Variants in SNAP91 observed in about 807,000 individuals in gnomAD.
SNAP91 encodes synaptosome associated protein 91.
Under a neutral mutation model 100.3 loss-of-function variants are expected in SNAP91, and 27 were observed. That is an observed-to-expected ratio of 0.27 (90% CI 0.20 to 0.37). SNAP91 has a LOEUF of 0.37. Among genes scored for constraint, SNAP91 ranks in the 10% least tolerant of loss-of-function variants. The probability of loss-of-function intolerance (pLI) is 1.00; values close to 1 mark genes in which losing one functional copy is unlikely to be tolerated. For missense variants in SNAP91, 986 were observed against 1,123.7 expected, an observed-to-expected ratio of 0.88 and a Z score of 1.75; for synonymous variants, 404 against 398.6, an observed-to-expected ratio of 1.01 and a Z score of -0.16.
intron 6 of SNAP91, among the ~76,000 whole-genome samples, chr6:83,657,806 G>A (rs1034961868): frequency 2.0e-5 from 3 of 149,620 alleles, no homozygotes; most frequent in Non-Finnish European, 4.4e-5. Flanking sequence ...TCACTCTGTC[G>A]TCTAGACTGG....
intron 2 of SNAP91, among the ~76,000 whole-genome samples, chr6:83,705,174 G>A (rs769911275): frequency 2.6e-5 from 4 of 152,128 alleles, no homozygotes; most frequent in Admixed American, 6.6e-5. Context: ...AGTAGAAGAT[G>A]TTTTATTTTA....
In SNAP91 at chr6:83,681,064, C is replaced by T. The variant is rs564530748; in HGVS notation, c.131-15483G>A. On this transcript the variant is annotated intron_variant, in intron 2 of 29. Transcript: ENST00000369694. Reference sequence around the variant, plus strand: ...GATTTACAGAAAAGGGACTCTCACACATAATCAAGCATAGGAGTCCCTAGC... The same window carrying T: ...GATTTACAGAAAAGGGACTCTCACATATAATCAAGCATAGGAGTCCCTAGC... Among the ~76,000 whole-genome samples, 8 of 152,260 alleles carry T rather than the reference C, an allele frequency of 5.3e-5. No homozygotes were observed. In the South Asian group the frequency reaches 1.5e-3, roughly 28 times the overall value.
chr6:83,645,012 A>C (rs1340295899), intron 7 of SNAP91, among the ~76,000 whole-genome samples: 1 of 152,142 alleles, frequency 6.6e-6, no homozygotes, highest in Non-Finnish European at 1.5e-5. Context: ...AAGTCCCCAA[A>C]CCACCAGGAA....
chr6:83,617,899 T>C (rs982275705), intron 9 of SNAP91, among the ~76,000 whole-genome samples: 6 of 152,010 alleles, frequency 3.9e-5, no homozygotes, highest in East Asian at 1.9e-4. Context: ...ATTCAAAGAA[T>C]AGCATTTCTT....
In SNAP91 at chr6:83,708,830, G is replaced by T. The variant is rs1348904524; in HGVS notation, c.-31+15C>A. 1 of 151,994 alleles carries T rather than the reference G, an allele frequency of 6.6e-6. No homozygotes were observed. Among genetic ancestry groups the T allele is most frequent in the Non-Finnish European group, 1.5e-5 (1 of 67,974 alleles). 9.4% of individuals were successfully genotyped at this position (151,994 alleles called of 1,614,324 possible). A position where few individuals can be genotyped will look rare whatever the true frequency, so the allele number is the denominator to read the frequency against. Reference sequence around the variant, plus strand: ...TGGCGCGGGGAGGGGGCCGAGTACGGCCGCGGGTACTCACCCCGCCCCTGA... The same window carrying T: ...TGGCGCGGGGAGGGGGCCGAGTACGTCCGCGGGTACTCACCCCGCCCCTGA... On this transcript the variant is annotated intron_variant, in intron 1 of 29. Coordinates refer to ENST00000369694, the MANE Select transcript of SNAP91 (RefSeq NM_001242792.2).
At chr6:83,678,984 A>T (rs961079634) in intron 2 of SNAP91, 8 of 724,962 alleles carry the variant, frequency 1.1e-5, no homozygotes, top group African/African-American at 1.9e-5. Context: ...CTATATCCAC[A>T]AGGTCCACAT....
intron 10 of SNAP91, among the ~76,000 whole-genome samples, chr6:83,616,257 A>G (rs796747025): frequency 4.6e-5 from 7 of 152,318 alleles, no homozygotes; most frequent in African/African-American, 1.4e-4. Context: ...TTGCAGAATT[A>G]TAGTCTGAAA....
In SNAP91 at chr6:83,575,063, G is replaced by C. The variant is rs776903694; in HGVS notation, c.2389C>G (p.Pro797Ala). Residue 797 changes from proline (P) to alanine (A), a missense_variant, in exon 26 of 30, where the codon CCT (proline) becomes GCT (alanine). Pro to Ala is a conservative substitution (Grantham distance 27). Around this residue, in one of 4 missense-constraint regions of SNAP91, gnomAD observed 575 missense variants for 579.9 expected, o/e 0.99. Transcript: ENST00000369694. Reference sequence around the variant, plus strand: ...GACCAGGTTGCTGGAGCTACTTTAGGCTGCCAGTTGGCTCCACCAGTCAAC... The same window carrying C: ...GACCAGGTTGCTGGAGCTACTTTAGCCTGCCAGTTGGCTCCACCAGTCAAC... ...KKLTGGANWQ[P>A]KVAPATWSAG... 7.5e-6 allele frequency: 12 copies of C among 1,606,110 alleles called. No individual in the cohort carries two copies. Among genetic ancestry groups the C allele is most frequent in the Non-Finnish European group, 1.0e-5 (12 of 1,176,176 alleles).
At chr6:83,690,092 A>G (rs1281444790) in intron 2 of SNAP91, 2 of 191,056 alleles carry the variant, frequency 1.0e-5, no homozygotes, top group African/African-American at 2.4e-5. Context: ...TGAATATAAA[A>G]ATCCTCTCAA....
intron 8 of SNAP91, among the ~76,000 whole-genome samples, chr6:83,630,775 TAA>T (rs36034560): frequency 0.041 from 6,029 of 148,300 alleles, 339 homozygotes; most frequent in African/African-American, 0.13. Context: ...AATTTTATCT[TAA>T]AAAAAAAAAA....
At chr6:83,575,326 C>T (rs1816558558) in intron 25 of SNAP91, 1 of 545,190 alleles carries the variant, frequency 1.8e-6, no homozygotes, top group Non-Finnish European at 3.2e-6. Context: ...GAAAAAAAAT[C>T]ATTTAGAGTT....
At chr6:83,573,435 G>C (rs1166270846) in intron 26 of SNAP91, among the ~76,000 whole-genome samples, 1 of 152,116 alleles carries the variant, frequency 6.6e-6, no homozygotes, top group Non-Finnish European at 1.5e-5. Context: ...TTTCTTCACA[G>C]AATTGGAAAA....
intron 2 of SNAP91, among the ~76,000 whole-genome samples, chr6:83,703,468 C>T (rs922650575): frequency 6.6e-6 from 1 of 152,068 alleles, no homozygotes; most frequent in Non-Finnish European, 1.5e-5. Flanking sequence ...AGAAAACTCA[C>T]TTTTAGGTTT....
At chr6:83,661,017 AG>A (rs1483284881) in intron 5 of SNAP91, among the ~76,000 whole-genome samples, 1 of 152,128 alleles carries the variant, frequency 6.6e-6, no homozygotes, top group Non-Finnish European at 1.5e-5. Flanking sequence ...TACGTTGCCC[AG>A]GCTGTTCTTT....
chr6:83,677,274 A>T (rs1290120685), intron 2 of SNAP91, among the ~76,000 whole-genome samples: 1 of 152,208 alleles, frequency 6.6e-6, no homozygotes, highest in African/African-American at 2.4e-5. Flanking sequence ...AATCACTGGC[A>T]AGCTATACCC....
intron 26 of SNAP91, among the ~76,000 whole-genome samples, chr6:83,562,650 C>T (rs1159423701): frequency 6.6e-6 from 1 of 152,156 alleles, no homozygotes; most frequent in African/African-American, 2.4e-5. Context: ...ACCCTACTGT[C>T]CCCCACACTC....
intron 25 of SNAP91, 66 bp from the exon 26 acceptor site, chr6:83,575,187 G>C (rs1816203169): frequency 1.9e-6 from 2 of 1,078,224 alleles, no homozygotes; most frequent in Non-Finnish European, 1.4e-6. Flanking sequence ...AATGGTGTGT[G>C]GCTCCTTAGA....
At chr6:83,649,201 A>G (rs2098089323) in intron 7 of SNAP91, among the ~76,000 whole-genome samples, 1 of 152,244 alleles carries the variant, frequency 6.6e-6, no homozygotes, top group South Asian at 2.1e-4. Context: ...TGAATTTGGA[A>G]GTGGCTTAGC....
intron 7 of SNAP91, among the ~76,000 whole-genome samples, chr6:83,646,786 G>A (rs903122906): frequency 6.6e-6 from 1 of 152,130 alleles, no homozygotes; most frequent in Non-Finnish European, 1.5e-5. Flanking sequence ...GGAAAGAACT[G>A]ACATATTCAC....
Sources: gnomAD v4.1 joint callset for allele counts (sites outside exome capture counted in the v4.1 genomes callset) on GRCh38, gnomAD v4.1.1 for gene constraint, gnomAD v4.1.1 regional missense constraint, MANE v1.5 for transcripts, NCBI Gene and HGNC (gene_info 2026-07-23, HGNC 2026-07-21) for gene names.